Variants in ADAM12 observed in about 807,000 individuals in gnomAD.
ADAM12 encodes disintegrin and metalloproteinase domain-containing protein 12.
ADAM12 carries 70 observed loss-of-function variants against 106.4 expected under a neutral mutation model. The ratio of observed to expected loss-of-function variants is 0.66; its 90% CI spans 0.54 to 0.80. The LOEUF (loss-of-function observed/expected upper bound fraction) is 0.80, where lower values mean the gene tolerates loss of function less well. Ranked by LOEUF, ADAM12 falls within the 30% of genes least tolerant of loss-of-function variation. The pLI is 0.00. For synonymous variants in ADAM12, 420 were observed against 433.5 expected (o/e 0.97, Z 0.39); for missense variants, 1,010 against 1,171.9 (o/e 0.86, Z 2.02).
At chr10:126,070,505 A>C (rs1461154194) in intron 12 of ADAM12, 1 of 152,222 alleles carries the variant, frequency 6.6e-6, no homozygotes, top group East Asian at 1.9e-4. Context: ...TGTTTGTGTG[A>C]TGAACACAGG....
intron 3 of ADAM12, among the ~76,000 whole-genome samples, chr10:126,195,613 C>T (rs540035141): frequency 1.1e-4 from 16 of 152,120 alleles, no homozygotes; most frequent in South Asian, 6.3e-4. Flanking sequence ...AACCAACATA[C>T]GTTAATTAGA....
At chr10:126,222,274 A>G (rs184721025) in intron 3 of ADAM12, among the ~76,000 whole-genome samples, 14 of 152,080 alleles carry the variant, frequency 9.2e-5, no homozygotes, top group African/African-American at 3.4e-4. Context: ...TATAAAAAAA[A>G]AGCACCTCAT....
At chr10:126,261,977 T>C (rs1959010775) in intron 3 of ADAM12, among the ~76,000 whole-genome samples, 1 of 152,136 alleles carries the variant, frequency 6.6e-6, no homozygotes, top group Admixed American at 6.5e-5. Flanking sequence ...GGAATTCTAC[T>C]TCTAAATCAA....
intron 11 of ADAM12, among the ~76,000 whole-genome samples, chr10:126,079,543 A>G (rs1290970041): frequency 1.3e-5 from 2 of 152,200 alleles, no homozygotes; most frequent in African/African-American, 4.8e-5. Context: ...TTCCATTGCA[A>G]GTGAGACCAT....
chr10:126,150,103 A>T (rs1222182978), intron 4 of ADAM12, among the ~76,000 whole-genome samples: 1 of 152,256 alleles, frequency 6.6e-6, no homozygotes, highest in Non-Finnish European at 1.5e-5. Context: ...GTATTAGACA[A>T]GCACTGTTCA....
intron 3 of ADAM12, among the ~76,000 whole-genome samples, chr10:126,245,676 A>G (rs923161530): frequency 2.0e-5 from 3 of 152,194 alleles, no homozygotes; most frequent in African/African-American, 7.2e-5. Context: ...TTGCCATTGG[A>G]GAGGTTGGGA....
At chr10:126,372,764 T>C (rs1411930507) in intron 1 of ADAM12, among the ~76,000 whole-genome samples, 1 of 152,210 alleles carries the variant, frequency 6.6e-6, no homozygotes, top group African/African-American at 2.4e-5. Context: ...TCTTTTGAAA[T>C]TGCTTTCTCA....
chr10:126,050,235 CATGGAGTCAT>C (rs1278966468), intron 14 of ADAM12, among the ~76,000 whole-genome samples: 4 of 152,290 alleles, frequency 2.6e-5, no homozygotes, highest in African/African-American at 9.6e-5. Context: ...TCTCAGAGGC[CATGGAGTCAT>C]AAACCCTGGT....
At chr10:126,089,068 T>G (rs559875734) in intron 11 of ADAM12, among the ~76,000 whole-genome samples, 57 of 152,200 alleles carry the variant, frequency 3.7e-4, no homozygotes, top group African/African-American at 1.3e-3. Flanking sequence ...AACTCCCAGT[T>G]GGCAGCTGGG....
intron 14 of ADAM12, among the ~76,000 whole-genome samples, chr10:126,052,744 G>A (rs1954536548): frequency 6.6e-6 from 1 of 152,176 alleles, no homozygotes. Flanking sequence ...CAAAGCAAAG[G>A]GGAAGCTTGA....
intron 3 of ADAM12, among the ~76,000 whole-genome samples, chr10:126,263,484 GT>G (rs34038037): frequency 0.46 from 69,923 of 151,484 alleles, 16,494 homozygotes; most frequent in South Asian, 0.63. Context: ...TTTTTTGTTT[GT>G]TTTAAGTAAA....
At chr10:126,273,589 GA>G (rs1348260358) in intron 3 of ADAM12, among the ~76,000 whole-genome samples, 2 of 152,144 alleles carry the variant, frequency 1.3e-5, no homozygotes, top group African/African-American at 4.8e-5. Context: ...GTAAAGGTAA[GA>G]ACCCTACAGC....
At position 126,331,440 on chromosome 10, in the gene ADAM12, T is replaced by C. The variant is rs575395110; in HGVS notation, c.89-931A>G. 1.8e-4 allele frequency among the ~76,000 whole-genome samples: 28 copies of C among 152,352 alleles called. 1 individual carries two copies. In the South Asian group the frequency reaches 2.5e-3, roughly 14 times the overall value. ...TCACATTTATTGGGCACAAATGGTA[T>C]TGAAATTTTAATCCTAGACATTTTA... On this transcript the variant is annotated intron_variant, in intron 1 of 22. Coordinates refer to ENST00000448723, the MANE Select transcript of ADAM12 (RefSeq NM_001288973.2).
At position 126,111,265 on chromosome 10, in the gene ADAM12, G is replaced by A. The variant is rs1381922195; in HGVS notation, c.604-1425C>T. Among the ~76,000 whole-genome samples the A allele has an allele frequency of 1.2e-4, 19 of 152,186 alleles. 1 individual carries two copies. Among genetic ancestry groups the A allele is most frequent in the Admixed American group, 1.2e-3 (19 of 15,276 alleles). ...CTTTACAATGTTACAAGAAGAAACT[G>A]TTACGCTTTGTAACTATATGTTGTA... is the stretch of plus-strand genomic sequence containing the variant. On this transcript the variant is annotated intron_variant, in intron 6 of 22. Coordinates refer to ENST00000448723, the MANE Select transcript of ADAM12 (RefSeq NM_001288973.2).
rs117363244 is a variant in ADAM12 at position 126,215,359 on chromosome 10, C to T, written c.261-60054G>A. On this transcript the variant is annotated intron_variant, in intron 3 of 22. Coordinates refer to ENST00000448723, the MANE Select transcript of ADAM12 (RefSeq NM_001288973.2). ...TCTTTCCTGTGGCCTCTCCCTGGCTCTGGCTGCCCTTCCATAACTCAGGGT... is the reference window on the plus strand; with the variant it reads ...TCTTTCCTGTGGCCTCTCCCTGGCTTTGGCTGCCCTTCCATAACTCAGGGT... Among the ~76,000 whole-genome samples the T allele has an allele frequency of 9.8e-3, 1,493 of 152,292 alleles. 22 individuals are homozygous for T. The highest frequency in any genetic ancestry group is 0.012 in the Non-Finnish European group (828 of 68,028).
In ADAM12 at chr10:126,086,668, AAAAAAAAAAAAAATATATATATAT is replaced by A. The variant is rs1332561080; in HGVS notation, c.1145+7293_1145+7316del. Among the ~76,000 whole-genome samples, 6 of 47,822 alleles carry A rather than the reference AAAAAAAAAAAAAATATATATATAT, an allele frequency of 1.3e-4. 1 individual carries two copies. Among genetic ancestry groups the A allele is most frequent in the Middle Eastern group, 0.018 (2 of 110 alleles). The allele number at this position is 47,822 out of a possible 152,430, so 31.4% of individuals were successfully genotyped here. A position where few individuals can be genotyped will look rare whatever the true frequency, so the allele number is the denominator to read the frequency against. On this transcript the variant is annotated intron_variant, in intron 11 of 22. Transcript: ENST00000448723. ...CTCTGCCTCAAAAAAAAAAAAAAAA[AAAAAAAAAAAAAATATATATATAT>A]ATATATATATATATAAAATAAAATA...
At chr10:126,344,621 C>T (rs1229139183) in intron 1 of ADAM12, among the ~76,000 whole-genome samples, 2 of 152,244 alleles carry the variant, frequency 1.3e-5, no homozygotes, top group Admixed American at 6.5e-5. Context: ...GGCAATATGG[C>T]CATTTTTACG....
At chr10:126,046,969 G>T (rs1042088154) in intron 16 of ADAM12, among the ~76,000 whole-genome samples, 8 of 152,104 alleles carry the variant, frequency 5.3e-5, no homozygotes, top group African/African-American at 1.9e-4. Context: ...TGACTGACAA[G>T]TAGTATCATC....
intron 2 of ADAM12, among the ~76,000 whole-genome samples, chr10:126,325,438 G>A (rs987542656): frequency 3.5e-4 from 54 of 152,302 alleles, no homozygotes; most frequent in African/African-American, 1.2e-3. Flanking sequence ...GGGAGAGCAG[G>A]GCTCCGTTTT....
Sources: gnomAD v4.1 joint callset for allele counts (sites outside exome capture counted in the v4.1 genomes callset) on GRCh38, gnomAD v4.1.1 for gene constraint, MANE v1.5 for transcripts, NCBI Gene and HGNC (gene_info 2026-07-23, HGNC 2026-07-21) for gene names.